Variants in ZFAND3 observed in about 807,000 individuals in gnomAD.
ZFAND3 encodes the protein AN1-type zinc finger protein 3.
A neutral mutation model predicts 29.6 loss-of-function variants in ZFAND3; 10 were observed. The observed-to-expected ratio is 0.34, with a 90% CI of 0.21 to 0.57. The LOEUF is 0.57. ZFAND3 is among the 20% of genes least tolerant of loss of function. The pLI is 0.86. For missense variants in ZFAND3, 230 were observed against 304.5 expected, an observed-to-expected ratio of 0.76 and a Z score of 1.82; for synonymous variants, 128 against 112.6, an observed-to-expected ratio of 1.14 and a Z score of -0.87.
intron 1 of ZFAND3, among the ~76,000 whole-genome samples, chr6:37,855,392 T>A (rs1764364160): frequency 6.6e-6 from 1 of 151,618 alleles, no homozygotes; most frequent in Non-Finnish European, 1.5e-5. Context: ...CCTCAGGTGA[T>A]CCACTTGCCT....
chr6:37,837,957 G>A (rs1274328215), intron 1 of ZFAND3, among the ~76,000 whole-genome samples: 1 of 152,088 alleles, frequency 6.6e-6, no homozygotes, highest in Non-Finnish European at 1.5e-5. Context: ...CTTTATTTTA[G>A]AATATCCCTG....
At chr6:38,135,692 C>T (rs947016617) in intron 5 of ZFAND3, among the ~76,000 whole-genome samples, 1 of 152,084 alleles carries the variant, frequency 6.6e-6, no homozygotes, top group African/African-American at 2.4e-5. Context: ...TTGCAGTGAG[C>T]CGAGATCGCG....
intron 2 of ZFAND3, among the ~76,000 whole-genome samples, chr6:38,046,250 G>A (rs546606276): frequency 5.3e-4 from 80 of 152,322 alleles, no homozygotes; most frequent in African/African-American, 1.5e-3. Context: ...TGGAATAAGA[G>A]TAAGAGATAA....
chr6:38,067,863 C>T (rs1007401805), intron 3 of ZFAND3, among the ~76,000 whole-genome samples: 1 of 152,132 alleles, frequency 6.6e-6, no homozygotes, highest in Non-Finnish European at 1.5e-5. Context: ...TGTTTGGTAA[C>T]ATGATGTGCA....
chr6:37,875,322 T>G (rs1764771916), intron 1 of ZFAND3, among the ~76,000 whole-genome samples: 1 of 152,254 alleles, frequency 6.6e-6, no homozygotes, highest in Non-Finnish European at 1.5e-5. Context: ...TTTGTAGAGA[T>G]GCTTTTAAGG....
intron 2 of ZFAND3, among the ~76,000 whole-genome samples, chr6:37,985,526 CA>C (rs1481901814): frequency 4.8e-5 from 7 of 147,222 alleles, no homozygotes; most frequent in African/African-American, 1.3e-4. Context: ...CACACACACA[CA>C]CCCCCACACA....
chr6:37,894,625 G>C (rs1382180043), intron 1 of ZFAND3, among the ~76,000 whole-genome samples: 3 of 152,114 alleles, frequency 2.0e-5, no homozygotes, highest in African/African-American at 7.2e-5. Context: ...TCCTGGCTTA[G>C]CCTCCCAAAA....
rs78195191 is a variant in ZFAND3, at chr6:38,139,627, C to T, written c.530-12608C>T. On this transcript the variant is annotated intron_variant, in intron 5 of 5. Coordinates refer to ENST00000287218, the MANE Select transcript of ZFAND3 (RefSeq NM_021943.3). ...GGGAAGCGGCAGCCAGGGTTGAGAT[C>T]GTGCTTCAGTGGGGAAATTTTTATT... Among the ~76,000 whole-genome samples, 86 of 152,208 alleles carry T rather than the reference C, an allele frequency of 5.7e-4. No homozygotes were observed. In the East Asian group the frequency reaches 0.014, roughly 24 times the overall value.
At chr6:37,857,249 A>G (rs1401265815) in intron 1 of ZFAND3, among the ~76,000 whole-genome samples, 2 of 152,238 alleles carry the variant, frequency 1.3e-5, no homozygotes, top group Admixed American at 6.5e-5. Flanking sequence ...TCTGATTAGG[A>G]TAAATATTAT....
At chr6:37,836,710 A>G (rs1026224804) in intron 1 of ZFAND3, among the ~76,000 whole-genome samples, 94 of 152,330 alleles carry the variant, frequency 6.2e-4, no homozygotes, top group African/African-American at 2.0e-3. Flanking sequence ...GAATCTAACC[A>G]TCATGAATTG....
At chr6:38,091,473 A>ATT (rs5875611) in intron 4 of ZFAND3, among the ~76,000 whole-genome samples, 18 of 73,680 alleles carry the variant, frequency 2.4e-4, no homozygotes, top group African/African-American at 8.6e-4. Flanking sequence ...AAACTTTAGG[A>ATT]TTTTTTTTTT....
At chr6:38,051,938 A>C (rs910830854) in intron 2 of ZFAND3, among the ~76,000 whole-genome samples, 5 of 152,240 alleles carry the variant, frequency 3.3e-5, no homozygotes, top group African/African-American at 4.8e-5. Flanking sequence ...AAAACTGTAT[A>C]GTCTGCACAA....
intron 5 of ZFAND3, among the ~76,000 whole-genome samples, chr6:38,139,769 G>A (rs557857648): frequency 6.6e-6 from 1 of 152,312 alleles, no homozygotes; most frequent in South Asian, 2.1e-4. Flanking sequence ...AGCTGTTGCA[G>A]TAGCCTCGGA....
intron 3 of ZFAND3, among the ~76,000 whole-genome samples, chr6:38,070,815 G>T (rs1185464867): frequency 6.6e-6 from 1 of 151,902 alleles, no homozygotes; most frequent in African/African-American, 2.4e-5. Context: ...GAGAGTGATT[G>T]TTTACCACAG....
chr6:38,047,982 T>G (rs1485326442), intron 2 of ZFAND3, among the ~76,000 whole-genome samples: 1 of 151,502 alleles, frequency 6.6e-6, no homozygotes, highest in Non-Finnish European at 1.5e-5. Flanking sequence ...TGTTTTTTTT[T>G]TTTTTACTTT....
At chr6:38,092,692 A>G (rs1036654863) in intron 4 of ZFAND3, among the ~76,000 whole-genome samples, 1 of 152,172 alleles carries the variant, frequency 6.6e-6, no homozygotes, top group Admixed American at 6.5e-5. Flanking sequence ...AGCACCTAGT[A>G]CTTGGAAAAA....
At chr6:38,116,362 C>G (rs1163950816) in intron 4 of ZFAND3, among the ~76,000 whole-genome samples, 3 of 152,228 alleles carry the variant, frequency 2.0e-5, no homozygotes, top group Non-Finnish European at 2.9e-5. Context: ...CTCTCCAGCT[C>G]AGGCCTAGCT....
chr6:37,863,201 A>G (rs776947219), intron 1 of ZFAND3, among the ~76,000 whole-genome samples: 8 of 152,262 alleles, frequency 5.3e-5, no homozygotes, highest in South Asian at 2.1e-4. Context: ...TACTCTTGCC[A>G]GAGGCAAGTC....
At chr6:37,835,281 C>T (rs1367806806) in intron 1 of ZFAND3, among the ~76,000 whole-genome samples, 1 of 152,088 alleles carries the variant, frequency 6.6e-6, no homozygotes, top group Non-Finnish European at 1.5e-5. Context: ...GCCTCAGCCT[C>T]CCATGTAGCT....
Sources: allele counts gnomAD v4.1 joint callset (sites outside exome capture counted in the v4.1 genomes callset), GRCh38; gene constraint gnomAD v4.1.1; transcripts MANE v1.5; gene names NCBI Gene and HGNC (gene_info 2026-07-23, HGNC 2026-07-21).